The following YLPM1 variants were observed in gnomAD, a reference collection of about 807,000 sequenced individuals.
YLPM1 encodes YLP motif-containing protein 1.
YLPM1 carries 99 observed loss-of-function variants against 230.0 expected under a neutral mutation model. The ratio of observed to expected loss-of-function variants is 0.43; its 90% CI spans 0.37 to 0.51. The LOEUF (loss-of-function observed/expected upper bound fraction) is 0.51. YLPM1 is among the 20% of genes least tolerant of loss of function. The pLI, the probability that YLPM1 is intolerant of heterozygous loss-of-function variation, is 0.00. For synonymous variants in YLPM1, 984 were observed against 942.5 expected, an observed-to-expected ratio of 1.04 and a Z score of -0.81; for missense variants, 2,592 against 2,707.7, an observed-to-expected ratio of 0.96 and a Z score of 0.95.
At chr14:74,829,173 C>T (rs1333976612) in intron 18 of YLPM1, 40 bp from the exon 19 acceptor site, 7 of 1,609,660 alleles carry the variant, frequency 4.3e-6, no homozygotes, top group Non-Finnish European at 5.9e-6. Context: ...TGCAAACTCA[C>T]ACTCTTCCTT....
intron 4 of YLPM1, among the ~76,000 whole-genome samples, chr14:74,783,129 A>G (rs1293431171): frequency 1.3e-5 from 2 of 152,178 alleles, no homozygotes; most frequent in South Asian, 2.1e-4. Context: ...CAGTGATAGA[A>G]TTATGGCTCA....
Position 74,817,235 on chromosome 14 carries a change from C to T in YLPM1, c.5904C>T (p.Gly1968=). Residue 1968 remains glycine (G), a synonymous_variant, in exon 15 of 21, where the codon GGC becomes GGT. Transcript: ENST00000325680. ...AEMSADNQTC[G]KRNIHGRKLK... ...TGAGTGCAGATAACCAGACTTGTGG[C>T]AAGAGAAATATTCATGGAAGAAAGC... 6.2e-7 allele frequency: 1 copy of T among 1,600,050 alleles called. No individual in the cohort carries two copies. The highest frequency in any genetic ancestry group is 8.5e-7 in the Non-Finnish European group (1 of 1,172,644).
At chr14:74,826,408 GTACTT>G (rs1312052417) in intron 18 of YLPM1, among the ~76,000 whole-genome samples, 9 of 152,096 alleles carry the variant, frequency 5.9e-5, no homozygotes, top group Admixed American at 2.0e-4. Context: ...ATTTTTCTGA[GTACTT>G]TACCAACATT....
chr14:74,779,673 A>G (rs1311516633), intron 2 of YLPM1, among the ~76,000 whole-genome samples: 1 of 143,724 alleles, frequency 7.0e-6, no homozygotes, highest in Non-Finnish European at 1.5e-5. Flanking sequence ...ACAGGGTCTC[A>G]CTCTGTTGCC....
At chr14:74,786,515 AT>A (rs1244605408) in intron 4 of YLPM1, among the ~76,000 whole-genome samples, 1 of 152,060 alleles carries the variant, frequency 6.6e-6, no homozygotes, top group Admixed American at 6.5e-5. Flanking sequence ...AGTTTTGCCT[AT>A]TTTTGAACTT....
At position 74,763,480 on chromosome 14, in the gene YLPM1, C is replaced by T; in HGVS notation, c.-10C>T. On this transcript the variant is annotated 5_prime_UTR_variant, in exon 1 of 21. Coordinates refer to ENST00000325680, the MANE Select transcript of YLPM1 (RefSeq NM_019589.3). ...GGCGCCAGGACGAGCCCTGCGCCTT[C>T]TTTTTCGATATGTACCCGAATTGGG... The T allele has an allele frequency of 6.9e-7, 1 of 1,443,572 alleles. No homozygotes were observed. Among genetic ancestry groups the T allele is most frequent in the Non-Finnish European group, 9.1e-7 (1 of 1,094,132 alleles). 89.4% of individuals were successfully genotyped at this position (1,443,572 alleles called of 1,614,324 possible). A position where few individuals can be genotyped will look rare whatever the true frequency, so the allele number is the denominator to read the frequency against.
chr14:74,800,266 T>C (rs746672388), intron 5 of YLPM1, among the ~76,000 whole-genome samples: 2 of 152,250 alleles, frequency 1.3e-5, no homozygotes, highest in Non-Finnish European at 2.9e-5. Flanking sequence ...TGTTTCTACA[T>C]AACCAAATGT....
At position 74,798,640 on chromosome 14, in the gene YLPM1, C is replaced by T. The variant is rs200021043; in HGVS notation, c.3343C>T (p.Arg1115Trp). The change falls in exon 5 of 21, where the codon CGG (arginine) becomes TGG (tryptophan). Residue 1115 changes from arginine to tryptophan, a missense_variant. Transcript: ENST00000325680. ...TGGCAGCCGAGAAAGGGGACCACCT[C>T]GGAGGGCTGGCAGTCAGGAGAGGGG... ...AAGSRERGPP[R>W]RAGSQERGPL... The T allele has an allele frequency of 6.7e-4, 1,083 of 1,611,690 alleles. 5 individuals carry two copies. The highest frequency in any genetic ancestry group is 8.3e-4 in the Non-Finnish European group (981 of 1,178,568).
chr14:74,764,459 A>C, intron 1 of YLPM1, 97 bp downstream of exon 1: 3 of 1,384,456 alleles, frequency 2.2e-6, no homozygotes, highest in South Asian at 1.5e-5. Context: ...ATTCCAACAC[A>C]CAATGACTAG....
Position 74,798,446 on chromosome 14 carries a change from G to C in YLPM1, c.3149G>C (p.Gly1050Ala), listed in dbSNP as rs1360546799. Residue 1050 changes from glycine (G) to alanine (A), a missense_variant, in exon 5 of 21, where the codon GGA becomes GCA. This residue lies in a region of YLPM1 where 1,862 missense variants were observed against 1,819.8 expected (regional missense o/e 1.02). Transcript: ENST00000325680. ...GGCCAGGCAATCAGTCGAGGCCCAG[G>C]ATTGGTCAAGCAAGAAGACTTTCGG... The part of the protein sequence containing the change: ...GRGQAISRGP[G>A]LVKQEDFRDK... 2.5e-6 allele frequency: 4 copies of C among 1,613,874 alleles called. No homozygotes were observed. In the East Asian group the frequency reaches 6.7e-5, roughly 27 times the overall value.
chr14:74,785,520 A>G (rs1162490208), intron 4 of YLPM1, among the ~76,000 whole-genome samples: 1 of 152,230 alleles, frequency 6.6e-6, no homozygotes, highest in African/African-American at 2.4e-5. Flanking sequence ...AACTAGGTAA[A>G]AAATCAGTGG....
In YLPM1 at chr14:74,818,178, T is replaced by C. The variant is rs563694890; in HGVS notation, c.5947-53T>C. On this transcript the variant is annotated intron_variant, in intron 15 of 20. Coordinates refer to ENST00000325680, the MANE Select transcript of YLPM1 (RefSeq NM_019589.3). Reference sequence around the variant, plus strand: ...AATGTTGTTTATCTTGGATGCTTACTTGGTCTTTGAGTAGTTTCTAGAGAT... The same window carrying C: ...AATGTTGTTTATCTTGGATGCTTACCTGGTCTTTGAGTAGTTTCTAGAGAT... 4.9e-6 allele frequency: 6 copies of C among 1,221,740 alleles called. No homozygotes were observed. The South Asian group carries it at 9.7e-5, about 20-fold the overall frequency. The allele number at this position is 1,221,740 out of a possible 1,614,324, so 75.7% of individuals were successfully genotyped here. A position where few individuals can be genotyped will look rare whatever the true frequency, so the allele number is the denominator to read the frequency against.
intron 4 of YLPM1, among the ~76,000 whole-genome samples, chr14:74,791,758 G>A (rs1036414488): frequency 6.6e-6 from 1 of 152,194 alleles, no homozygotes; most frequent in Admixed American, 6.5e-5. Flanking sequence ...GGTTAGGCAT[G>A]ACTCTCTTTT....
chr14:74,812,794 G>A lies in YLPM1; in HGVS notation c.5502+12G>A. 1 of 1,609,610 alleles carries A rather than the reference G, an allele frequency of 6.2e-7. No individual in the cohort carries two copies. Among genetic ancestry groups the A allele is most frequent in the Non-Finnish European group, 8.5e-7 (1 of 1,177,460 alleles). On this transcript the variant is annotated intron_variant, in intron 11 of 20. Coordinates refer to ENST00000325680, the MANE Select transcript of YLPM1 (RefSeq NM_019589.3). ...GCAGACCTGAGAGAGTGAGTCCTATGAAGTTGATTCGTCTTCGTGCAAACC... is the reference window on the plus strand; with the variant it reads ...GCAGACCTGAGAGAGTGAGTCCTATAAAGTTGATTCGTCTTCGTGCAAACC...
chr14:74,836,498 T>C lies in YLPM1; in HGVS notation c.*760T>C, dbSNP rs2091644848. ...TATTTAAAAATTTTTTTTGATCCTC[T>C]CTCTGTTCTTCCCTCTCTTCTTTCC... On this transcript the variant is annotated 3_prime_UTR_variant, in exon 21 of 21. Transcript: ENST00000325680. 1 of 152,198 alleles carries C rather than the reference T, an allele frequency of 6.6e-6. No homozygotes were observed. The highest frequency in any genetic ancestry group is 2.1e-4 in the South Asian group (1 of 4,830). 9.4% of individuals were successfully genotyped at this position (152,198 alleles called of 1,614,324 possible).
intron 5 of YLPM1, 96 bp downstream of exon 5, chr14:74,799,793 C>T: frequency 7.0e-7 from 1 of 1,426,468 alleles, no homozygotes; most frequent in Non-Finnish European, 9.2e-7. Context: ...AATCATTTTA[C>T]TTCAAGTTCT....
At chr14:74,778,786 A>T in intron 2 of YLPM1, 103 bp downstream of exon 2, 1 of 973,896 alleles carries the variant, frequency 1.0e-6, no homozygotes, top group South Asian at 1.8e-5. Context: ...TTGTTTTTTT[A>T]GGTACCTATA....
intron 15 of YLPM1, among the ~76,000 whole-genome samples, chr14:74,817,748 G>A (rs2091490886): frequency 6.6e-6 from 1 of 151,074 alleles, no homozygotes; most frequent in African/African-American, 2.4e-5. Flanking sequence ...TCTTTTCCTA[G>A]CTCTTCTTGA....
chr14:74,821,052 T>C lies in YLPM1; in HGVS notation c.6031-5T>C. 2 of 1,493,958 alleles carry C rather than the reference T, an allele frequency of 1.3e-6. No individual in the cohort carries two copies. The highest frequency in any genetic ancestry group is 2.7e-5 in the South Asian group (2 of 72,744). The allele number at this position is 1,493,958 out of a possible 1,614,324, so 92.5% of individuals were successfully genotyped here. A position where few individuals can be genotyped will look rare whatever the true frequency, so the allele number is the denominator to read the frequency against. Reference sequence around the variant, plus strand: ...CTTTTTTTTTTTTTTTAATGGTTGGTATAGGTAGAGATGGAAGATTTTGAT... The same window carrying C: ...CTTTTTTTTTTTTTTTAATGGTTGGCATAGGTAGAGATGGAAGATTTTGAT... On this transcript the variant is annotated splice_region_variant and splice_polypyrimidine_tract_variant and intron_variant, in intron 16 of 20. Coordinates refer to ENST00000325680, the MANE Select transcript of YLPM1 (RefSeq NM_019589.3).
Sources: gnomAD v4.1 joint callset for allele counts (sites outside exome capture counted in the v4.1 genomes callset) on GRCh38, gnomAD v4.1.1 for gene constraint, gnomAD v4.1.1 regional missense constraint, MANE v1.5 for transcripts, NCBI Gene and HGNC (gene_info 2026-07-23, HGNC 2026-07-21) for gene names.